The following ATP10B variants were observed in gnomAD, a reference collection of about 807,000 sequenced individuals.
ATP10B encodes the protein phospholipid-transporting ATPase VB.
In ATP10B, 122 loss-of-function variants were observed where a neutral mutation model predicts 141.2. The ratio of observed to expected loss-of-function variants is 0.86; its 90% CI spans 0.75 to 1.00. The LOEUF (loss-of-function observed/expected upper bound fraction) is 1.00. Among genes scored for constraint, ATP10B ranks in the 50% least tolerant of loss-of-function variants. The probability of loss-of-function intolerance (pLI) is 0.00; values close to 1 mark genes in which losing one functional copy is unlikely to be tolerated. For missense variants in ATP10B, 1,876 were observed against 1,825.3 expected, an observed-to-expected ratio of 1.03 and a Z score of -0.51; for synonymous variants, 685 against 692.0, an observed-to-expected ratio of 0.99 and a Z score of 0.16.
the ATP10B span, among the ~76,000 whole-genome samples, chr5:160,897,087 T>C: frequency 5.3e-5 from 8 of 152,338 alleles, no homozygotes; most frequent in Admixed American, 5.2e-4. Flanking sequence ...GCCAATATTA[T>C]ACTGAATGGG....
At chr5:160,890,087 T>G in the ATP10B span, among the ~76,000 whole-genome samples, 1 of 152,230 alleles carries the variant, frequency 6.6e-6, no homozygotes, top group African/African-American at 2.4e-5. Flanking sequence ...ATCCTTAATT[T>G]GCATTCTTAT....
At chr5:160,675,949 G>A (rs1242224888) in intron 6 of ATP10B, among the ~76,000 whole-genome samples, 1 of 152,138 alleles carries the variant, frequency 6.6e-6, no homozygotes, top group African/African-American at 2.4e-5. Flanking sequence ...CCAATCTGAG[G>A]ATGCCTAGAT....
intron 12 of ATP10B, chr5:160,633,954 C>G (rs570226657): frequency 8.5e-6 from 3 of 354,932 alleles, no homozygotes; most frequent in African/African-American, 6.4e-5. Flanking sequence ...GACCATGCAC[C>G]TAGACACAGA....
the ATP10B span, among the ~76,000 whole-genome samples, chr5:160,872,362 G>A: frequency 1.3e-5 from 2 of 152,154 alleles, no homozygotes; most frequent in Non-Finnish European, 2.9e-5. Context: ...CTTTTGCCAA[G>A]CAAAAGCTTT....
At chr5:160,748,284 C>T (rs1767941674) in intron 2 of ATP10B, among the ~76,000 whole-genome samples, 2 of 152,180 alleles carry the variant, frequency 1.3e-5, no homozygotes, top group South Asian at 4.1e-4. Context: ...TCAGCACAGC[C>T]CTTGCTAGTG....
chr5:160,647,425 C>G (rs1354353158), intron 8 of ATP10B, among the ~76,000 whole-genome samples: 1 of 152,094 alleles, frequency 6.6e-6, no homozygotes, highest in Admixed American at 6.5e-5. Context: ...ATCCATGAGG[C>G]CCAGTCATGT....
intron 11 of ATP10B, 55 bp downstream of exon 11, chr5:160,636,127 G>A (rs34471074): frequency 0.11 from 167,459 of 1,531,520 alleles, 10,020 homozygotes; most frequent in Middle Eastern, 0.12. Flanking sequence ...TTACAAAGTT[G>A]TAGGAGTTTT....
At chr5:160,799,043 G>A (rs1249137951) in intron 1 of ATP10B, among the ~76,000 whole-genome samples, 3 of 151,914 alleles carry the variant, frequency 2.0e-5, no homozygotes, top group South Asian at 4.2e-4. Flanking sequence ...AAGCCACCAC[G>A]CCCAGCCATG....
chr5:160,720,604 G>A (rs918509772), intron 2 of ATP10B, among the ~76,000 whole-genome samples: 2 of 152,166 alleles, frequency 1.3e-5, no homozygotes, highest in South Asian at 2.1e-4. Flanking sequence ...TATTCTTTGC[G>A]ATGACTATCT....
chr5:160,768,064 C>T (rs764471337), intron 2 of ATP10B, among the ~76,000 whole-genome samples: 14 of 152,106 alleles, frequency 9.2e-5, no homozygotes, highest in African/African-American at 2.4e-4. Flanking sequence ...AACTCCTTCC[C>T]GAGGTAGGTA....
chr5:160,915,606 A>G, the ATP10B span, among the ~76,000 whole-genome samples: 2 of 152,180 alleles, frequency 1.3e-5, no homozygotes, highest in South Asian at 4.1e-4. Flanking sequence ...TGCTGGGATC[A>G]CAGGTGTGAG....
chr5:160,757,421 T>C (rs1328839369), intron 2 of ATP10B, among the ~76,000 whole-genome samples: 1 of 152,168 alleles, frequency 6.6e-6, no homozygotes, highest in Non-Finnish European at 1.5e-5. Context: ...CATACAAGGG[T>C]AGGGAAAATG....
chr5:160,814,145 C>T (rs1773402023), intron 1 of ATP10B, among the ~76,000 whole-genome samples: 3 of 152,084 alleles, frequency 2.0e-5, no homozygotes, highest in Admixed American at 1.3e-4. Flanking sequence ...ATGACTTTGA[C>T]AAGTTGAGAG....
At chr5:160,896,272 GT>G in the ATP10B span, among the ~76,000 whole-genome samples, 8 of 151,654 alleles carry the variant, frequency 5.3e-5, no homozygotes, top group Non-Finnish European at 1.2e-4. Flanking sequence ...CCAGGAACTT[GT>G]TTTTTGAAAA....
chr5:160,642,430 G>C (rs762644810), intron 9 of ATP10B, among the ~76,000 whole-genome samples: 7 of 152,094 alleles, frequency 4.6e-5, no homozygotes, highest in Admixed American at 2.0e-4. Flanking sequence ...AATGTCAAGG[G>C]TGAAATGAGA....
chr5:160,915,511 T>C, the ATP10B span, among the ~76,000 whole-genome samples: 1 of 152,158 alleles, frequency 6.6e-6, no homozygotes, highest in African/African-American at 2.4e-5. Context: ...TTTGTATTTT[T>C]AGCAGAGATG....
At chr5:160,631,476 G>A (rs1359732759) in intron 13 of ATP10B, among the ~76,000 whole-genome samples, 4 of 152,238 alleles carry the variant, frequency 2.6e-5, no homozygotes, top group African/African-American at 9.6e-5. Context: ...ATGCCCATAA[G>A]GGCCGAAGGG....
chr5:160,611,870 A>C (rs1757739335), intron 18 of ATP10B: 1 of 152,228 alleles, frequency 6.6e-6, no homozygotes. Context: ...CCTCCATGGA[A>C]TCCAACCCCT....
At chr5:160,834,702 CACAT>C (rs1318828428) in intron 1 of ATP10B, among the ~76,000 whole-genome samples, 3 of 152,140 alleles carry the variant, frequency 2.0e-5, no homozygotes, top group Non-Finnish European at 4.4e-5. Flanking sequence ...TTCAGACACT[CACAT>C]ACAAATTCTC....
Sources: gnomAD v4.1 joint callset for allele counts (sites outside exome capture counted in the v4.1 genomes callset) on GRCh38, gnomAD v4.1.1 for gene constraint, MANE v1.5 for transcripts, NCBI Gene and HGNC (gene_info 2026-07-23, HGNC 2026-07-21) for gene names.